The following PCDH15 variants were observed in gnomAD, a reference collection of about 807,000 sequenced individuals.
PCDH15 encodes the protein protocadherin related 15.
In PCDH15, 129 loss-of-function variants were observed where a neutral mutation model predicts 178.5. The observed-to-expected ratio is 0.72, with a 90% CI of 0.63 to 0.84. The LOEUF is 0.84. Among genes scored for constraint, PCDH15 ranks in the 40% least tolerant of loss-of-function variants. The probability of loss-of-function intolerance (pLI) is 0.00; values close to 1 mark genes in which losing one functional copy is unlikely to be tolerated. For synonymous variants in PCDH15, 800 were observed against 732.0 expected (o/e 1.09, Z -1.50); for missense variants, 2,230 against 2,099.9 (o/e 1.06, Z -1.21).
At chr10:54,822,444 T>C (rs1210451446) in intron 3 of PCDH15, among the ~76,000 whole-genome samples, 1 of 152,146 alleles carries the variant, frequency 6.6e-6, no homozygotes, top group Non-Finnish European at 1.5e-5. Context: ...AGTTCCATCA[T>C]GTTAGTGCAA....
At chr10:54,558,101 T>C (rs181764981) in intron 2 of PCDH15, among the ~76,000 whole-genome samples, 1 of 152,078 alleles carries the variant, frequency 6.6e-6, no homozygotes, top group Admixed American at 6.6e-5. Flanking sequence ...AAATCTGATA[T>C]GCAATCAGGA....
chr10:54,585,254 C>T (rs865876927), intron 2 of PCDH15, among the ~76,000 whole-genome samples: 4 of 152,030 alleles, frequency 2.6e-5, no homozygotes, highest in Non-Finnish European at 5.9e-5. Context: ...CTATCCTGTG[C>T]GGTTTTCCAG....
At chr10:55,086,160 G>A (rs1842162508) in intron 2 of PCDH15, among the ~76,000 whole-genome samples, 1 of 151,656 alleles carries the variant, frequency 6.6e-6, no homozygotes, top group African/African-American at 2.4e-5. Flanking sequence ...AATTTACCTG[G>A]CAAAAGAAAT....
At chr10:55,288,154 A>AT (rs1185966864) in intron 1 of PCDH15, among the ~76,000 whole-genome samples, 1 of 150,614 alleles carries the variant, frequency 6.6e-6, no homozygotes, top group African/African-American at 2.4e-5. Context: ...ACTGACATCA[A>AT]TTTTTCTGCT....
At chr10:53,970,644 G>C (rs937973989) in intron 21 of PCDH15, among the ~76,000 whole-genome samples, 2 of 152,100 alleles carry the variant, frequency 1.3e-5, no homozygotes, top group Non-Finnish European at 2.9e-5. Flanking sequence ...ACTACCATCA[G>C]AGAATACTAT....
At chr10:53,965,019 T>C (rs2088844800) in intron 21 of PCDH15, among the ~76,000 whole-genome samples, 1 of 151,992 alleles carries the variant, frequency 6.6e-6, no homozygotes, top group African/African-American at 2.4e-5. Context: ...TGCATTTTCA[T>C]ACCTACAATA....
intron 18 of PCDH15, among the ~76,000 whole-genome samples, chr10:54,042,231 T>C (rs1404639267): frequency 1.3e-5 from 2 of 152,112 alleles, no homozygotes; most frequent in Non-Finnish European, 2.9e-5. Context: ...TAATTAGGAC[T>C]ACTCTCTCCA....
chr10:53,826,367 G>A (rs2076680097), intron 32 of PCDH15, among the ~76,000 whole-genome samples: 1 of 151,822 alleles, frequency 6.6e-6, no homozygotes, highest in Admixed American at 6.6e-5. Flanking sequence ...TAAGTAACCT[G>A]AACACATTTG....
chr10:54,121,040 C>T (rs1159505433), intron 15 of PCDH15, among the ~76,000 whole-genome samples: 1 of 145,494 alleles, frequency 6.9e-6, no homozygotes, highest in East Asian at 2.2e-4. Context: ...CACGCTGAGT[C>T]ATAAAGCAAG....
chr10:55,174,781 A>C (rs1011922761), intron 1 of PCDH15, among the ~76,000 whole-genome samples: 4 of 152,130 alleles, frequency 2.6e-5, no homozygotes, highest in African/African-American at 9.7e-5. Flanking sequence ...CCTCATTTTA[A>C]GTGGGTCCCA....
At chr10:54,148,607 T>C (rs1184310483) in intron 14 of PCDH15, among the ~76,000 whole-genome samples, 1 of 152,026 alleles carries the variant, frequency 6.6e-6, no homozygotes, top group African/African-American at 2.4e-5. Flanking sequence ...TATATTTGCT[T>C]TTTGGATATA....
intron 2 of PCDH15, among the ~76,000 whole-genome samples, chr10:54,545,243 T>A (rs1458115993): frequency 6.6e-6 from 1 of 152,178 alleles, no homozygotes; most frequent in Non-Finnish European, 1.5e-5. Flanking sequence ...CTAAAATAGC[T>A]TCAATACTAC....
At chr10:54,729,576 T>C (rs1045594859) in intron 1 of PCDH15, among the ~76,000 whole-genome samples, 4 of 151,656 alleles carry the variant, frequency 2.6e-5, no homozygotes, top group Non-Finnish European at 5.9e-5. Flanking sequence ...ACCAAATGGC[T>C]TCTGCACAGC....
At chr10:55,286,095 A>G (rs1017708516) in intron 1 of PCDH15, among the ~76,000 whole-genome samples, 5 of 151,970 alleles carry the variant, frequency 3.3e-5, no homozygotes, top group African/African-American at 1.2e-4. Flanking sequence ...TAAGTAAAGA[A>G]CACTCATATA....
intron 2 of PCDH15, among the ~76,000 whole-genome samples, chr10:54,655,330 AAGAGAG>A (rs146479490): frequency 3.5e-5 from 3 of 86,522 alleles, no homozygotes; most frequent in Non-Finnish European, 7.8e-5. Context: ...GAAAGAGAGA[AAGAGAG>A]AAAGAAAGAA....
At chr10:54,379,767 C>A (rs556408239) in intron 3 of PCDH15, among the ~76,000 whole-genome samples, 2 of 152,078 alleles carry the variant, frequency 1.3e-5, no homozygotes, top group Middle Eastern at 6.8e-3. Context: ...TAATAATGTA[C>A]CATGGCTTAG....
intron 23 of PCDH15, among the ~76,000 whole-genome samples, chr10:53,942,601 G>C (rs996663013): frequency 6.6e-6 from 1 of 152,156 alleles, no homozygotes; most frequent in African/African-American, 2.4e-5. Context: ...AGTCCTCGTG[G>C]CAAGAAACTC....
At chr10:54,229,786 G>GTCTT (rs2053863922) in intron 9 of PCDH15, among the ~76,000 whole-genome samples, 1 of 152,144 alleles carries the variant, frequency 6.6e-6, no homozygotes, top group South Asian at 2.1e-4. Flanking sequence ...TCTCAGGTAT[G>GTCTT]TCTTTATCAG....
chr10:54,772,892 A>G (rs1483582631), intron 1 of PCDH15, among the ~76,000 whole-genome samples: 1 of 152,172 alleles, frequency 6.6e-6, no homozygotes, highest in Non-Finnish European at 1.5e-5. Context: ...TAGACTGGAG[A>G]AGGAAAATGT....
Sources: allele counts gnomAD v4.1 joint callset (sites outside exome capture counted in the v4.1 genomes callset), GRCh38; gene constraint gnomAD v4.1.1; transcripts MANE v1.5; gene names NCBI Gene and HGNC (gene_info 2026-07-23, HGNC 2026-07-21).